DLG4: variants seen among roughly 807,000 people sequenced by gnomAD.
The protein encoded by DLG4 is disks large homolog 4.
DLG4 carries 7 observed loss-of-function variants against 93.8 expected under a neutral mutation model. The ratio of observed to expected loss-of-function variants is 0.07; its 90% CI spans 0.04 to 0.14. The LOEUF (loss-of-function observed/expected upper bound fraction) is 0.14. Among genes scored for constraint, DLG4 ranks in the 10% least tolerant of loss-of-function variants. The pLI, the probability that DLG4 is intolerant of heterozygous loss-of-function variation, is 1.00. For missense variants in DLG4, 545 were observed against 992.9 expected (o/e 0.55, Z 6.06); for synonymous variants, 341 against 387.6 (o/e 0.88, Z 1.41).
At chr17:7,200,444 A>T (rs745378305) in intron 8 of DLG4, among the ~76,000 whole-genome samples, 1 of 151,420 alleles carries the variant, frequency 6.6e-6, no homozygotes, top group East Asian at 1.9e-4. Context: ...TTTTATAGAA[A>T]TTTTTTCTAT....
At chr17:7,199,767 A>G (rs1330523066) in intron 8 of DLG4, among the ~76,000 whole-genome samples, 1 of 151,808 alleles carries the variant, frequency 6.6e-6, no homozygotes, top group Non-Finnish European at 1.5e-5. Flanking sequence ...TCATGAGGTC[A>G]GGAGATCAAG....
upstream of DLG4, chr17:7,219,844 A>G: frequency 6.5e-7 from 1 of 1,538,396 alleles, no homozygotes; most frequent in Non-Finnish European, 8.7e-7. Flanking sequence ...TACAGCTCCC[A>G]GCATGCCCCG....
chr17:7,202,750 C>T, intron 8 of DLG4, 153 bp downstream of exon 8: 1 of 922,806 alleles, frequency 1.1e-6, no homozygotes, highest in Non-Finnish European at 1.6e-6. Flanking sequence ...AATTGATTTT[C>T]CATCTCTTCT....
rs766843277 is a variant in DLG4, at chr17:7,191,874, C to G, written c.1976+19G>C. On this transcript the variant is annotated intron_variant, in intron 18 of 19. Coordinates refer to ENST00000399506, the MANE Select transcript of DLG4 (RefSeq NM_001321075.3). This position sits in a 1 kb window ranked among gnomAD's most constrained non-coding sequence, Gnocchi z 6.6. ...AGGTGTTGGGGGAGCAAAGGGGAGG[C>G]CCCCAGGACCATACTCACAGCACAT... The G allele has an allele frequency of 9.1e-6, 13 of 1,424,682 alleles. No individual in the cohort carries two copies. In the East Asian group the frequency reaches 3.3e-4, roughly 36 times the overall value. The allele number at this position is 1,424,682 out of a possible 1,614,324, so 88.3% of individuals were successfully genotyped here. A position where few individuals can be genotyped will look rare whatever the true frequency, so the allele number is the denominator to read the frequency against.
At chr17:7,214,735 G>C (rs1478897991) in intron 1 of DLG4, among the ~76,000 whole-genome samples, 3 of 152,240 alleles carry the variant, frequency 2.0e-5, no homozygotes, top group South Asian at 4.1e-4. Flanking sequence ...AACGGCGGCA[G>C]CAGCGCGGGG....
chr17:7,219,821 G>C, upstream of DLG4: 1 of 1,532,556 alleles, frequency 6.5e-7, no homozygotes, highest in South Asian at 1.2e-5. Context: ...CGCAGGGCCG[G>C]GCTCCAGGGA....
At chr17:7,200,199 T>C (rs1418065219) in intron 8 of DLG4, among the ~76,000 whole-genome samples, 2 of 152,148 alleles carry the variant, frequency 1.3e-5, no homozygotes, top group Non-Finnish European at 1.5e-5. Context: ...AGTCAAACTT[T>C]AGTGTCAACC....
Position 7,187,307 on chromosome 17 carries a change from AGG to A in DLG4, c.*3399_*3400del, listed in dbSNP as rs755045165. Among the ~76,000 whole-genome samples the A allele has an allele frequency of 0.02, 893 of 45,436 alleles. 92 individuals carry two copies. Among genetic ancestry groups the A allele is most frequent in the African/African-American group, 0.039 (734 of 18,874 alleles). The allele number at this position is 45,436 out of a possible 152,430, so 29.8% of individuals were successfully genotyped here. A position where few individuals can be genotyped will look rare whatever the true frequency, so the allele number is the denominator to read the frequency against. ...GTAATCCTAGCACTTTGGGAGGCCG[AGG>A]GGGGGGGGGGTGGATCACCCGAGGT... On this transcript the variant is annotated 3_prime_UTR_variant, in exon 20 of 20. Coordinates refer to ENST00000399506, the MANE Select transcript of DLG4 (RefSeq NM_001321075.3).
At chr17:7,219,657 C>T (rs2071088172), upstream of DLG4, 1 of 1,294,348 alleles carries the variant, frequency 7.7e-7, no homozygotes, top group Non-Finnish European at 9.9e-7. Context: ...CAGTCCACCT[C>T]CATCCCTCTG....
upstream of DLG4, chr17:7,219,770 G>A: frequency 1.3e-6 from 2 of 1,483,870 alleles, no homozygotes; most frequent in East Asian, 2.5e-5. Context: ...GGAGTTTGGG[G>A]GAGACGAGGG....
chr17:7,202,641 T>A (rs1254170140), intron 8 of DLG4: 4 of 533,606 alleles, frequency 7.5e-6, no homozygotes, highest in Non-Finnish European at 1.3e-5. Flanking sequence ...AAGAATTATC[T>A]ATTCCTTGAG....
At position 7,192,017 on chromosome 17, in the gene DLG4, G is replaced by A. The variant is rs774961455; in HGVS notation, c.1867-15C>T. On this transcript the variant is annotated splice_polypyrimidine_tract_variant and intron_variant, in intron 17 of 19. Coordinates refer to ENST00000399506, the MANE Select transcript of DLG4 (RefSeq NM_001321075.3). ...CAGTGCTTCCCCTGGGGGCAGGCAGGGTGGGCGGAGGGGGGCCAGCGGGTG... is the reference window on the plus strand; with the variant it reads ...CAGTGCTTCCCCTGGGGGCAGGCAGAGTGGGCGGAGGGGGGCCAGCGGGTG... 4.3e-6 allele frequency: 6 copies of A among 1,391,844 alleles called. No homozygotes were observed. In the African/African-American group the frequency reaches 8.9e-5, roughly 21 times the overall value. 86.2% of individuals were successfully genotyped at this position (1,391,844 alleles called of 1,614,324 possible).
At position 7,217,154 on chromosome 17, in the gene DLG4, G is replaced by A. The variant is rs1354286008; in HGVS notation, c.-7C>T. 7.8e-7 allele frequency: 1 copy of A among 1,289,926 alleles called. No homozygotes were observed. The highest frequency in any genetic ancestry group is 9.9e-7 in the Non-Finnish European group (1 of 1,015,192). 79.9% of individuals were successfully genotyped at this position (1,289,926 alleles called of 1,614,324 possible). On this transcript the variant is annotated 5_prime_UTR_variant, in exon 1 of 20. Transcript: ENST00000399506. ...CTATACAGAGACAGTCCATGTTGGGGGGCCTGGCCGCGGCGGCGGGTAAGG... is the reference window on the plus strand; with the variant it reads ...CTATACAGAGACAGTCCATGTTGGGAGGCCTGGCCGCGGCGGCGGGTAAGG...
At chr17:7,197,128 C>G (rs1341204769) in intron 8 of DLG4, 76 bp from the exon 9 acceptor site, 2 of 1,418,346 alleles carry the variant, frequency 1.4e-6, no homozygotes, top group Non-Finnish European at 1.9e-6. Flanking sequence ...CCCAGGGTGC[C>G]AGAAGAGCCA....
rs566476567 is a variant in DLG4, at chr17:7,189,732, T to A, written c.*976A>T. 1.3e-5 allele frequency among the ~76,000 whole-genome samples: 2 copies of A among 152,106 alleles called. No homozygotes were observed. The highest frequency in any genetic ancestry group is 3.9e-4 in the East Asian group (2 of 5,168). ...GACAGAGCTCCAGACCTTCCCAGGCTCAGTCTTCACCAACTCGGGTTCCTT... is the reference window on the plus strand; with the variant it reads ...GACAGAGCTCCAGACCTTCCCAGGCACAGTCTTCACCAACTCGGGTTCCTT... On this transcript the variant is annotated 3_prime_UTR_variant, in exon 20 of 20. Transcript: ENST00000399506.
intron 1 of DLG4, among the ~76,000 whole-genome samples, chr17:7,209,639 G>A (rs149662974): frequency 6.6e-6 from 1 of 152,226 alleles, no homozygotes; most frequent in East Asian, 1.9e-4. Context: ...GCATGGTGGT[G>A]CACACCTGTA....
chr17:7,194,480 G>A lies in DLG4; in HGVS notation c.1317C>T (p.Tyr439=), dbSNP rs373218609. 64 of 1,606,602 alleles carry A rather than the reference G, an allele frequency of 4.0e-5. No homozygotes were observed. The highest frequency in any genetic ancestry group is 2.0e-4 in the African/African-American group (15 of 74,750). The change falls in exon 12 of 20, where the codon TAC becomes TAT. Residue 439 remains tyrosine (Y), a synonymous_variant. Transcript: ENST00000399506. The surrounding 1 kb of genome is among the most constrained non-coding windows in gnomAD (Gnocchi z 4.4). ...GGAAGCCGCAGTCCTTGGTCTTGTCGTAATCAAACAGGGCCCTGGAGGGCA... is the reference window on the plus strand; with the variant it reads ...GGAAGCCGCAGTCCTTGGTCTTGTCATAATCAAACAGGGCCCTGGAGGGCA... The part of the protein sequence containing the change: ...RGFYIRALFD[Y]DKTKDCGFLS...
At chr17:7,211,655 T>C (rs2070710956) in intron 1 of DLG4, 4 of 980,178 alleles carry the variant, frequency 4.1e-6, no homozygotes, top group Non-Finnish European at 4.8e-6. Context: ...CCGCGGCACG[T>C]ACCACGCAGA....
At chr17:7,219,366 T>TCTGAGCCC, upstream of DLG4, 1 of 1,006,410 alleles carries the variant, frequency 9.9e-7, no homozygotes, top group South Asian at 3.9e-5. Flanking sequence ...CTCAGAGGCT[T>TCTGAGCCC]TACTAAGGGA....
Sources: allele counts gnomAD v4.1 joint callset (sites outside exome capture counted in the v4.1 genomes callset), GRCh38; gene constraint gnomAD v4.1.1; non-coding constraint Gnocchi (gnomAD v3.1); transcripts MANE v1.5; gene names NCBI Gene and HGNC (gene_info 2026-07-23, HGNC 2026-07-21).